Variants in AASS observed in about 807,000 individuals in gnomAD.
AASS encodes the protein aminoadipate-semialdehyde synthase, also known as alpha-aminoadipic semialdehyde synthase, mitochondrial.
AASS carries 86 observed loss-of-function variants against 105.4 expected under a neutral mutation model. The ratio of observed to expected loss-of-function variants is 0.82; its 90% CI spans 0.69 to 0.98. AASS has a LOEUF of 0.98. Among genes scored for constraint, AASS ranks in the 50% least tolerant of loss-of-function variants. The pLI, the probability that AASS is intolerant of heterozygous loss-of-function variation, is 0.00. For synonymous variants in AASS, 381 were observed against 394.8 expected (o/e 0.96, Z 0.41); for missense variants, 1,048 against 1,143.2 (o/e 0.92, Z 1.20).
chr7:122,131,020 G>C (rs1795888778), intron 2 of AASS, among the ~76,000 whole-genome samples: 1 of 148,612 alleles, frequency 6.7e-6, no homozygotes, highest in Non-Finnish European at 1.5e-5. Flanking sequence ...ACACACACAG[G>C]TGTTTATTTT....
intron 12 of AASS, 45 bp from the exon 13 acceptor site, chr7:122,101,483 AG>A (rs1794430164): frequency 6.5e-7 from 1 of 1,543,562 alleles, no homozygotes; most frequent in Non-Finnish European, 9.0e-7. Context: ...TCCACATTTT[AG>A]TCCTACAAAC....
At chr7:122,140,501 A>AAAAAAAAAAAAAAAAAAAAT (rs1562999750) in intron 1 of AASS, among the ~76,000 whole-genome samples, 1 of 149,450 alleles carries the variant, frequency 6.7e-6, no homozygotes, top group Non-Finnish European at 1.5e-5. Flanking sequence ...AAAAAAAAAA[A>AAAAAAAAAAAAAAAAAAAAT]AAAAAAAGAA....
intron 1 of AASS, among the ~76,000 whole-genome samples, chr7:122,136,742 T>C (rs1164171672): frequency 1.3e-5 from 2 of 152,206 alleles, no homozygotes; most frequent in East Asian, 1.9e-4. Flanking sequence ...CTGTAACTTT[T>C]ATTATGAGTT....
chr7:122,124,429 C>A (rs1489539436), intron 4 of AASS, among the ~76,000 whole-genome samples: 1 of 151,990 alleles, frequency 6.6e-6, no homozygotes, highest in African/African-American at 2.4e-5. Flanking sequence ...ATTACAGGCA[C>A]CCACCATCAC....
At chr7:122,110,951 T>C (rs1794903653) in intron 11 of AASS, among the ~76,000 whole-genome samples, 1 of 152,048 alleles carries the variant, frequency 6.6e-6, no homozygotes. Flanking sequence ...TTGACACAAT[T>C]CACATATTAA....
At chr7:122,116,850 T>A (rs1396299504) in intron 7 of AASS, 29 bp downstream of exon 7, 1 of 1,612,630 alleles carries the variant, frequency 6.2e-7, no homozygotes, top group East Asian at 2.2e-5. Context: ...GTTAAAAACA[T>A]TAAAAGTTAG....
chr7:122,144,039 C>T (rs1176787908), intron 1 of AASS, 122 bp downstream of exon 1: 1 of 152,198 alleles, frequency 6.6e-6, no homozygotes, highest in East Asian at 1.9e-4. Flanking sequence ...GACCCGAAGG[C>T]CAGGCTCGCG....
At chr7:122,142,709 A>T (rs901733608) in intron 1 of AASS, among the ~76,000 whole-genome samples, 1 of 152,170 alleles carries the variant, frequency 6.6e-6, no homozygotes, top group African/African-American at 2.4e-5. Flanking sequence ...AATCTTTTGT[A>T]GCCTTCCCAA....
rs768943469 is a variant in AASS, at chr7:122,086,119, GA to G, written c.2076del (p.Pro693GlnfsTer3). On this transcript the variant is annotated frameshift_variant, in exon 19 of 24. Transcript: ENST00000417368. LOFTEE classifies it high-confidence loss of function. Reference sequence around the variant, plus strand: ...GGATAGCCTTCCAAATTTAATCCTGGAAAAAAATCCATGGACGTAACGGCAT... The same window carrying G: ...GGATAGCCTTCCAAATTTAATCCTGGAAAAAATCCATGGACGTAACGGCAT... ...FLDAVTSMDFFPGLNLEGYPN... is the reference protein window; with the variant it reads ...FLDAVTSMDFXPGLNLEGYPN... 4 of 1,613,258 alleles carry G rather than the reference GA, an allele frequency of 2.5e-6. No homozygotes were observed. In the South Asian group the frequency reaches 4.4e-5, roughly 18 times the overall value.
chr7:122,133,999 T>C (rs566448767), intron 1 of AASS, among the ~76,000 whole-genome samples: 16 of 152,324 alleles, frequency 1.1e-4, no homozygotes, highest in South Asian at 2.1e-4. Flanking sequence ...TAAGCTAAAA[T>C]AGCTTTTTAA....
At chr7:122,083,922 G>A (rs1793499874) in intron 19 of AASS, among the ~76,000 whole-genome samples, 1 of 152,110 alleles carries the variant, frequency 6.6e-6, no homozygotes, top group Non-Finnish European at 1.5e-5. Context: ...TGGCCCTCAT[G>A]ATTACGAACA....
At chr7:122,118,487 A>G in intron 5 of AASS, 34 bp from the exon 6 acceptor site, 1 of 1,614,162 alleles carries the variant, frequency 6.2e-7, no homozygotes, top group Non-Finnish European at 8.5e-7. Flanking sequence ...AAGTTAGTCC[A>G]CCAGCTCAGC....
chr7:122,138,336 A>G (rs1796245879), intron 1 of AASS, among the ~76,000 whole-genome samples: 1 of 152,148 alleles, frequency 6.6e-6, no homozygotes, highest in Admixed American at 6.5e-5. Context: ...AACCCTATAT[A>G]TACTATGTTT....
At chr7:122,081,455 T>C (rs1164738117) in intron 20 of AASS, 45 bp downstream of exon 20, 2 of 1,397,486 alleles carry the variant, frequency 1.4e-6, no homozygotes, top group Admixed American at 3.4e-5. Context: ...TTTCAGAAGG[T>C]ATTTCTGAAA....
Position 122,090,259 on chromosome 7 carries a change from G to T in AASS, c.2016+1444C>A, listed in dbSNP as rs1793830646. 1.3e-5 allele frequency among the ~76,000 whole-genome samples: 2 copies of T among 152,098 alleles called. 1 individual carries two copies. The highest frequency in any genetic ancestry group is 4.1e-4 in the South Asian group (2 of 4,830). ...CAAGCTAAAGTGTCCTGCTTGTTTA[G>T]TACTATTTTAAGTGCAGCTGTGATT... On this transcript the variant is annotated intron_variant, in intron 18 of 23. Coordinates refer to ENST00000417368, the MANE Select transcript of AASS (RefSeq NM_005763.4).
rs34474265 is a variant in AASS at position 122,098,872 on chromosome 7, TAAA to T, written c.1407-9_1407-7del. ...AAAGTGACTGAGCACGTTCCCTATTTAAAAAAAAAAAAAAAAAAAAAAAAGGGA... is the reference window on the plus strand; with the variant it reads ...AAAGTGACTGAGCACGTTCCCTATTTAAAAAAAAAAAAAAAAAAAAAGGGA... On this transcript the variant is annotated splice_region_variant and splice_polypyrimidine_tract_variant and intron_variant, in intron 13 of 23. Coordinates refer to ENST00000417368, the MANE Select transcript of AASS (RefSeq NM_005763.4). 8.9e-3 allele frequency: 10,097 copies of T among 1,140,238 alleles called. No individual in the cohort carries two copies. The highest frequency in any genetic ancestry group is 0.019 in the East Asian group (473 of 25,438). The allele number at this position is 1,140,238 out of a possible 1,614,324, so 70.6% of individuals were successfully genotyped here. A position where few individuals can be genotyped will look rare whatever the true frequency, so the allele number is the denominator to read the frequency against.
rs1793911144 is a variant in AASS at position 122,091,737 on chromosome 7, A to G, written c.1982T>C (p.Val661Ala). ...SWSPVGVLMN[V>A]MQSATYLLDG... The stretch of plus-strand genomic sequence containing the variant: ...GAGCAGATAGGTGGCAGACTGCATT[A>G]CATTCATCAAAACTCCCACTGGACT... The change falls in exon 18 of 24, where the codon GTA becomes GCA. Residue 661 changes from valine (V) to alanine (A), a missense_variant. Transcript: ENST00000417368. 6.2e-7 allele frequency: 1 copy of G among 1,613,440 alleles called. No homozygotes were observed. Among genetic ancestry groups the G allele is most frequent in the Non-Finnish European group, 8.5e-7 (1 of 1,179,666 alleles).
chr7:122,087,463 T>C (rs997719840), intron 18 of AASS, among the ~76,000 whole-genome samples: 1 of 152,200 alleles, frequency 6.6e-6, no homozygotes, highest in Non-Finnish European at 1.5e-5. Flanking sequence ...TTGTGAACCC[T>C]ACTAGACTGC....
intron 21 of AASS, 130 bp from the exon 22 acceptor site, chr7:122,079,080 T>C (rs1445005241): frequency 6.4e-7 from 1 of 1,569,292 alleles, no homozygotes; most frequent in Non-Finnish European, 8.6e-7. Context: ...AGTTGTAGGA[T>C]TCTCCTAAAA....
Sources: gnomAD v4.1 joint callset for allele counts (sites outside exome capture counted in the v4.1 genomes callset) on GRCh38, gnomAD v4.1.1 for gene constraint, MANE v1.5 for transcripts, NCBI Gene and HGNC (gene_info 2026-07-23, HGNC 2026-07-21) for gene names.